MROH7: variants seen among roughly 807,000 people sequenced by gnomAD.
The protein encoded by MROH7 is maestro heat-like repeat-containing protein family member 7.
In MROH7, 113 loss-of-function variants were observed where a neutral mutation model predicts 129.2. The ratio of observed to expected loss-of-function variants is 0.87; its 90% CI spans 0.75 to 1.02. MROH7 has a LOEUF of 1.02. MROH7 is among the 50% of genes least tolerant of loss of function. MROH7 has a pLI of 0.00. For synonymous variants in MROH7, 655 were observed against 667.9 expected (o/e 0.98, Z 0.30); for missense variants, 1,601 against 1,671.3 (o/e 0.96, Z 0.73).
At chr1:54,686,116 T>C (rs1315744970) in intron 14 of MROH7, 142 bp from the exon 15 acceptor site, 1 of 635,758 alleles carries the variant, frequency 1.6e-6, no homozygotes, top group Non-Finnish European at 2.6e-6. Flanking sequence ...GGCTGGGGGG[T>C]GGGGAATCCC....
chr1:54,653,379 T>C lies in MROH7; in HGVS notation c.453T>C (p.Asp151=), dbSNP rs374706424. 3.3e-5 allele frequency: 54 copies of C among 1,614,192 alleles called. No homozygotes were observed. The African/African-American group carries it at 3.5e-4, about 10-fold the overall frequency. ...ACCACCCTCAGTCAAATTCTGAAGA[T>C]GCCTTCAAGTGCCTCTCAAGTAAGA... The part of the protein sequence containing the change: ...SGNHPQSNSE[D]AFKCLSSKIF... Residue 151 remains aspartate, a synonymous_variant, in exon 3 of 24, where the codon GAT becomes GAC. Coordinates refer to ENST00000421030, the MANE Select transcript of MROH7 (RefSeq NM_001039464.4).
intron 22 of MROH7, among the ~76,000 whole-genome samples, chr1:54,706,773 C>T (rs892603104): frequency 7.2e-5 from 11 of 152,192 alleles, no homozygotes; most frequent in African/African-American, 2.7e-4. Flanking sequence ...AGGTCACAAC[C>T]TTGGCAACTG....
intron 3 of MROH7, among the ~76,000 whole-genome samples, chr1:54,658,566 T>G (rs975951829): frequency 2.0e-5 from 3 of 152,046 alleles, no homozygotes; most frequent in Non-Finnish European, 4.4e-5. Context: ...ATAAGATGGA[T>G]CAGTAAAATA....
At chr1:54,651,786 T>TGCTCTCTC (rs1211692025) in intron 1 of MROH7, 163 bp from the exon 2 acceptor site, 2 of 43,058 alleles carry the variant, frequency 4.6e-5, no homozygotes, top group Admixed American at 2.4e-4. Context: ...ATATTAAACT[T>TGCTCTCTC]ACTCTCTCTC....
chr1:54,659,167 T>C, intron 3 of MROH7: 1 of 399,306 alleles, frequency 2.5e-6, no homozygotes. Flanking sequence ...CGATCTCGGC[T>C]CACTGCAACC....
chr1:54,701,691 T>C (rs1645438792), intron 19 of MROH7, among the ~76,000 whole-genome samples: 2 of 152,078 alleles, frequency 1.3e-5, no homozygotes, highest in South Asian at 4.2e-4. Flanking sequence ...CACCTCAGCC[T>C]CCTGATAGCT....
At chr1:54,706,671 A>G in intron 22 of MROH7, 134 bp downstream of exon 22, 1 of 651,762 alleles carries the variant, frequency 1.5e-6, no homozygotes, top group Non-Finnish European at 2.7e-6. Context: ...GCCACCAGAC[A>G]GCCATGGTGA....
Position 54,645,570 on chromosome 1 carries a change from C to T in MROH7, c.-110+3602C>T, listed in dbSNP as rs1013187061. ...TGCTGGGATTACAGGTGTGAGCCACCGTGTTAAGGTTTAGTTTGTAGGTTC... is the reference window on the plus strand; with the variant it reads ...TGCTGGGATTACAGGTGTGAGCCACTGTGTTAAGGTTTAGTTTGTAGGTTC... On this transcript the variant is annotated intron_variant, in intron 1 of 23. Coordinates refer to ENST00000421030, the MANE Select transcript of MROH7 (RefSeq NM_001039464.4). 1.1e-4 allele frequency among the ~76,000 whole-genome samples: 16 copies of T among 151,562 alleles called. 1 individual carries two copies. Among genetic ancestry groups the T allele is most frequent in the South Asian group, 4.2e-4 (2 of 4,786 alleles).
chr1:54,667,807 A>T (rs183990376), intron 4 of MROH7, among the ~76,000 whole-genome samples: 1 of 152,086 alleles, frequency 6.6e-6, no homozygotes, highest in Admixed American at 6.5e-5. Context: ...ATGGTGGCCC[A>T]GTAGTCCTAT....
At chr1:54,677,133 T>C (rs1644994580) in intron 10 of MROH7, among the ~76,000 whole-genome samples, 1 of 151,918 alleles carries the variant, frequency 6.6e-6, no homozygotes, top group Non-Finnish European at 1.5e-5. Context: ...GTGCGGTGGC[T>C]CACGCCTGTA....
At chr1:54,652,750 C>T (rs1644576559) in intron 2 of MROH7, 103 bp from the exon 3 acceptor site, 1 of 809,940 alleles carries the variant, frequency 1.2e-6, no homozygotes, top group Non-Finnish European at 1.9e-6. Flanking sequence ...TCACCAGGGC[C>T]TTGTAAGTCA....
intron 11 of MROH7, among the ~76,000 whole-genome samples, chr1:54,679,061 G>A (rs1277562821): frequency 6.6e-6 from 1 of 152,226 alleles, no homozygotes; most frequent in Non-Finnish European, 1.5e-5. Context: ...ACCCTGTGCT[G>A]AGTGCAGGGA....
chr1:54,699,159 T>TTTCTTTTCTTTCTTTCTTTCTTTCTTTC (rs71048705), intron 17 of MROH7: 8 of 65,968 alleles, frequency 1.2e-4, no homozygotes, highest in African/African-American at 2.3e-4. Flanking sequence ...TCTTTCTTTC[T>TTTCTTTTCTTTCTTTCTTTCTTTCTTTC]TTTCTTTCTT....
chr1:54,698,716 T>TGG (rs1645361455), intron 17 of MROH7: 1 of 150,006 alleles, frequency 6.7e-6, no homozygotes, highest in Non-Finnish European at 1.5e-5. Flanking sequence ...GCTTGGACGA[T>TGG]GGGGGGCTGG....
chr1:54,665,573 A>T (rs1438876246), intron 4 of MROH7: 1 of 190,640 alleles, frequency 5.2e-6, no homozygotes, highest in African/African-American at 2.3e-5. Flanking sequence ...AGGGGCTCTG[A>T]AAGGGGCAGA....
chr1:54,695,670 C>A, intron 17 of MROH7, 180 bp downstream of exon 17: 2 of 660,332 alleles, frequency 3.0e-6, no homozygotes, highest in South Asian at 1.7e-5. Flanking sequence ...TCTCTCCACC[C>A]TTTACTCCAT....
intron 1 of MROH7, among the ~76,000 whole-genome samples, chr1:54,644,078 G>A (rs1316048888): frequency 6.6e-6 from 1 of 152,012 alleles, no homozygotes; most frequent in Non-Finnish European, 1.5e-5. Context: ...CAGTTTTCTG[G>A]ATCTGTATAT....
intron 15 of MROH7, among the ~76,000 whole-genome samples, chr1:54,687,723 T>G (rs150662192): frequency 6.6e-6 from 1 of 152,076 alleles, no homozygotes; most frequent in African/African-American, 2.4e-5. Flanking sequence ...CAGCAGTGTA[T>G]GAGTATCTAT....
rs1165883572 is a variant in MROH7, at chr1:54,703,326, C to T, written c.3564+581C>T. Among the ~76,000 whole-genome samples the T allele has an allele frequency of 6.6e-6, 1 of 152,184 alleles. No homozygotes were observed. Among genetic ancestry groups the T allele is most frequent in the East Asian group, 1.9e-4 (1 of 5,184 alleles). On this transcript the variant is annotated intron_variant, in intron 21 of 23. Coordinates refer to ENST00000421030, the MANE Select transcript of MROH7 (RefSeq NM_001039464.4). The surrounding 1 kb of genome is among the most constrained non-coding windows in gnomAD (Gnocchi z 4.4). ...TTGTATTAGATCCCTGCCTCAAGGGCCACACTGGCTCCTTTTCTACAACAT... is the reference window on the plus strand; with the variant it reads ...TTGTATTAGATCCCTGCCTCAAGGGTCACACTGGCTCCTTTTCTACAACAT...
Sources: allele counts gnomAD v4.1 joint callset (sites outside exome capture counted in the v4.1 genomes callset), GRCh38; gene constraint gnomAD v4.1.1; non-coding constraint Gnocchi (gnomAD v3.1); transcripts MANE v1.5; gene names NCBI Gene and HGNC (gene_info 2026-07-23, HGNC 2026-07-21).